Variants in EIF3A observed in about 807,000 individuals in gnomAD.
EIF3A encodes the protein eukaryotic translation initiation factor 3 subunit A.
In EIF3A, 21 loss-of-function variants were observed where a neutral mutation model predicts 186.6. The observed-to-expected ratio is 0.11, with a 90% CI of 0.08 to 0.16. The LOEUF is 0.16. Ranked by LOEUF, EIF3A falls within the 10% of genes least tolerant of loss-of-function variation. The pLI, the probability that EIF3A is intolerant of heterozygous loss-of-function variation, is 1.00. For missense variants in EIF3A, 1,306 were observed against 1,796.3 expected, an observed-to-expected ratio of 0.73 and a Z score of 4.93; for synonymous variants, 563 against 584.3, an observed-to-expected ratio of 0.96 and a Z score of 0.52.
At chr10:119,074,510 T>C (rs929537372) in intron 1 of EIF3A, among the ~76,000 whole-genome samples, 2 of 152,014 alleles carry the variant, frequency 1.3e-5, no homozygotes, top group South Asian at 2.1e-4. Flanking sequence ...TATTGGTTCA[T>C]TAGTTGTTAC....
At chr10:119,075,163 T>C (rs1332556978) in intron 1 of EIF3A, among the ~76,000 whole-genome samples, 1 of 151,636 alleles carries the variant, frequency 6.6e-6, no homozygotes. Context: ...GGTATCACCA[T>C]CTTGGCCAGG....
chr10:119,036,204 AC>A lies in EIF3A; in HGVS notation c.3983del (p.Arg1328LeufsTer67). On this transcript the variant is annotated frameshift_variant, in exon 22 of 22. Transcript: ENST00000369144. LOFTEE classifies it high-confidence loss of function. ...DDRVEERDPP[R>X]RVPPPALSRD... ...TTGAAAGAGCTGGGGGAGGAACTCGACGAGGAGGGTCCCGCTCTTCCACCCG... is the reference window on the plus strand; with the variant it reads ...TTGAAAGAGCTGGGGGAGGAACTCGAGAGGAGGGTCCCGCTCTTCCACCCG... The A allele has an allele frequency of 6.2e-7, 1 of 1,613,766 alleles. No homozygotes were observed. The highest frequency in any genetic ancestry group is 8.5e-7 in the Non-Finnish European group (1 of 1,179,956).
chr10:119,059,144 A>G, intron 11 of EIF3A, 68 bp downstream of exon 11: 1 of 1,289,270 alleles, frequency 7.8e-7, no homozygotes, highest in Non-Finnish European at 1.1e-6. Context: ...CCTTTTTGTA[A>G]AAGACATGGC....
intron 21 of EIF3A, 99 bp from the exon 22 acceptor site, chr10:119,036,367 A>G (rs1016911025): frequency 8.3e-6 from 6 of 719,732 alleles, no homozygotes; most frequent in South Asian, 1.9e-5. Flanking sequence ...AAATACAGAA[A>G]TCATTGTTAA....
At chr10:119,067,355 G>A (rs1843997602) in intron 6 of EIF3A, among the ~76,000 whole-genome samples, 1 of 152,150 alleles carries the variant, frequency 6.6e-6, no homozygotes, top group Non-Finnish European at 1.5e-5. Context: ...CTCGGAGCCT[G>A]AGGCAGGTAG....
chr10:119,044,329 T>C (rs1848254690), intron 17 of EIF3A, among the ~76,000 whole-genome samples, 187 bp from the exon 18 acceptor site: 2 of 147,466 alleles, frequency 1.4e-5, no homozygotes, highest in African/African-American at 2.7e-5. Flanking sequence ...GGTAGTCTCA[T>C]ATATTGTAGG....
Position 119,073,569 on chromosome 10 carries a change from T to G in EIF3A, c.249A>C (p.Ile83=), listed in dbSNP as rs1309950084. The change falls in exon 3 of 22, where the codon ATA becomes ATC. Residue 83 remains isoleucine, a synonymous_variant. Transcript: ENST00000369144. ...QYKNICQQVN[I]KSLEDVVRAY... ...CCCTAACAACATCCTCCAGAGATTTTATGTTCACCTAATCCAAAAAAACAA... is the reference window on the plus strand; with the variant it reads ...CCCTAACAACATCCTCCAGAGATTTGATGTTCACCTAATCCAAAAAAACAA... 1 of 1,611,522 alleles carries G rather than the reference T, an allele frequency of 6.2e-7. No homozygotes were observed. Among genetic ancestry groups the G allele is most frequent in the Non-Finnish European group, 8.5e-7 (1 of 1,179,378 alleles).
chr10:119,040,154 C>G (rs1358701702), intron 19 of EIF3A, among the ~76,000 whole-genome samples: 2 of 152,166 alleles, frequency 1.3e-5, no homozygotes, highest in African/African-American at 4.8e-5. Flanking sequence ...TAGATCTGCA[C>G]TTACAACAAC....
At chr10:119,074,949 A>C (rs1844138656) in intron 1 of EIF3A, among the ~76,000 whole-genome samples, 2 of 147,462 alleles carry the variant, frequency 1.4e-5, no homozygotes, top group South Asian at 2.1e-4. Context: ...AAAGGGAAAA[A>C]AATGGAATAC....
chr10:119,057,322 A>C (rs189475020), intron 12 of EIF3A, among the ~76,000 whole-genome samples: 1 of 152,342 alleles, frequency 6.6e-6, no homozygotes, highest in South Asian at 2.1e-4. Context: ...AAATGCTCCC[A>C]ATTTTAAAAC....
intron 4 of EIF3A, among the ~76,000 whole-genome samples, chr10:119,072,024 CAAAAAAAAAA>C (rs56100757): frequency 0.046 from 2,741 of 59,512 alleles, 69 homozygotes; most frequent in Middle Eastern, 0.14. Context: ...GACTCTGTCT[CAAAAAAAAAA>C]AAAAAAAAAA....
At chr10:119,067,755 A>G (rs1233275388) in intron 6 of EIF3A, among the ~76,000 whole-genome samples, 1 of 152,238 alleles carries the variant, frequency 6.6e-6, no homozygotes, top group East Asian at 1.9e-4. Context: ...CTGGATAACA[A>G]AATAATTGGT....
At position 119,036,205 on chromosome 10, in the gene EIF3A, C is replaced by T. The variant is rs1435304837; in HGVS notation, c.3983G>A (p.Arg1328His). The stretch of plus-strand genomic sequence containing the variant: ...TGAAAGAGCTGGGGGAGGAACTCGA[C>T]GAGGAGGGTCCCGCTCTTCCACCCG... ...DDRVEERDPP[R>H]RVPPPALSRD... is the part of the protein sequence containing the mutation. Residue 1328 changes from arginine (R) to histidine (H), a missense_variant, in exon 22 of 22, where the codon CGT becomes CAT. This residue lies in a region of EIF3A where 331 missense variants were observed against 365.8 expected (regional missense o/e 0.90). Transcript: ENST00000369144. The T allele has an allele frequency of 5.0e-6, 8 of 1,613,572 alleles. No individual in the cohort carries two copies. In the South Asian group the frequency reaches 5.5e-5, roughly 11 times the overall value.
In EIF3A at chr10:119,042,822, G is replaced by A. The variant is rs1408670478; in HGVS notation, c.2748-50C>T. The A allele has an allele frequency of 6.7e-7, 1 of 1,499,640 alleles. No individual in the cohort carries two copies. Among genetic ancestry groups the A allele is most frequent in the Non-Finnish European group, 8.8e-7 (1 of 1,131,226 alleles). 92.9% of individuals were successfully genotyped at this position (1,499,640 alleles called of 1,614,324 possible). A position where few individuals can be genotyped will look rare whatever the true frequency, so the allele number is the denominator to read the frequency against. On this transcript the variant is annotated intron_variant, in intron 18 of 21. Coordinates refer to ENST00000369144, the MANE Select transcript of EIF3A (RefSeq NM_003750.4). This position sits in a 1 kb window ranked among gnomAD's most constrained non-coding sequence, Gnocchi z 7.8. ...AAATATATAAAATAAAAAAGCATATGATCCTTTGGGGATTTTTTTTTTCAC... is the reference window on the plus strand; with the variant it reads ...AAATATATAAAATAAAAAAGCATATAATCCTTTGGGGATTTTTTTTTTCAC...
chr10:119,075,872 C>G (rs4259754), intron 1 of EIF3A, among the ~76,000 whole-genome samples: 69,313 of 134,564 alleles, frequency 0.52, 18,668 homozygotes, highest in Middle Eastern at 0.68. Flanking sequence ...GCCACCACGC[C>G]TGGCTAATTT....
intron 1 of EIF3A, among the ~76,000 whole-genome samples, chr10:119,076,937 C>CAAAAAAAA (rs71016536): frequency 2.4e-5 from 3 of 123,444 alleles, no homozygotes; most frequent in South Asian, 2.6e-4. Flanking sequence ...GACTCTGTCT[C>CAAAAAAAA]AAAAAAAAAA....
At chr10:119,036,322 T>C in intron 21 of EIF3A, 54 bp from the exon 22 acceptor site, 1 of 1,152,302 alleles carries the variant, frequency 8.7e-7, no homozygotes, top group Non-Finnish European at 1.2e-6. Context: ...TTCTATTGGC[T>C]CAAATTACTC....
At chr10:119,080,118 CG>C in intron 1 of EIF3A, among the ~76,000 whole-genome samples, 1 of 152,290 alleles carries the variant, frequency 6.6e-6, no homozygotes, top group Non-Finnish European at 1.5e-5. Context: ...GCTTGGAGAG[CG>C]GGGGTGGCTG....
intron 7 of EIF3A, 61 bp downstream of exon 7, chr10:119,065,338 A>G (rs1176663408): frequency 8.0e-7 from 1 of 1,253,586 alleles, no homozygotes; most frequent in Non-Finnish European, 1.1e-6. Flanking sequence ...ATCATGAGTT[A>G]TTAAACCTGA....
Sources: allele counts gnomAD v4.1 joint callset (sites outside exome capture counted in the v4.1 genomes callset), GRCh38; gene constraint gnomAD v4.1.1; regional missense constraint gnomAD v4.1.1; non-coding constraint Gnocchi (gnomAD v3.1); transcripts MANE v1.5; gene names NCBI Gene and HGNC (gene_info 2026-07-23, HGNC 2026-07-21).